RAB3GAP1: variants seen among roughly 807,000 people sequenced by gnomAD.
RAB3GAP1 encodes the protein rab3 GTPase-activating protein catalytic subunit.
A neutral mutation model predicts 130.7 loss-of-function variants in RAB3GAP1; 86 were observed. The ratio of observed to expected loss-of-function variants is 0.66; its 90% CI spans 0.55 to 0.79. The LOEUF (loss-of-function observed/expected upper bound fraction) is 0.79, where lower values mean the gene tolerates loss of function less well. Among genes scored for constraint, RAB3GAP1 ranks in the 30% least tolerant of loss-of-function variants. The pLI is 0.00. For missense variants in RAB3GAP1, 1,029 were observed against 1,169.4 expected, an observed-to-expected ratio of 0.88 and a Z score of 1.75; for synonymous variants, 367 against 401.7, an observed-to-expected ratio of 0.91 and a Z score of 1.03.
intron 5 of RAB3GAP1, among the ~76,000 whole-genome samples, chr2:135,106,135 AGGTGGGG>A (rs1002983116): frequency 3.3e-5 from 5 of 149,960 alleles, no homozygotes; most frequent in African/African-American, 1.2e-4. Context: ...CCCGTCCAGG[AGGTGGGG>A]GGTGCCTCCG....
intron 10 of RAB3GAP1, 45 bp downstream of exon 10, chr2:135,126,294 A>G (rs772407250): frequency 2.1e-6 from 3 of 1,407,348 alleles, no homozygotes; most frequent in South Asian, 2.5e-5. Flanking sequence ...AAAAAACTTC[A>G]GTAGAATAAC....
At chr2:135,165,691 A>G (rs1692622423) in intron 23 of RAB3GAP1, among the ~76,000 whole-genome samples, 1 of 152,220 alleles carries the variant, frequency 6.6e-6, no homozygotes, top group Non-Finnish European at 1.5e-5. Context: ...TTAGACTTCT[A>G]GCAAACAATA....
At chr2:135,117,654 G>GCTT (rs1169996527) in intron 7 of RAB3GAP1, among the ~76,000 whole-genome samples, 31 of 22,310 alleles carry the variant, frequency 1.4e-3, no homozygotes, top group South Asian at 0.012. Context: ...TTCTGCTTCT[G>GCTT]CTTCTTCTGC....
rs1574100501 is a variant in RAB3GAP1, at chr2:135,091,102, TAAAG to T, written c.258_261del (p.Gly88ArgfsTer5). On this transcript the variant is annotated frameshift_variant, in exon 4 of 24. Transcript: ENST00000264158. LOFTEE classifies it high-confidence loss of function. The stretch of plus-strand genomic sequence containing the variant: ...ATTATCTTGTACAAGAGTCCACTGA[TAAAG>T]AAGGAAAGGATGAGTTATTAGAGGG... 6 of 1,598,606 alleles carry T rather than the reference TAAAG, an allele frequency of 3.8e-6. No homozygotes were observed. Among genetic ancestry groups the T allele is most frequent in the East Asian group, 2.2e-5 (1 of 44,630 alleles).
At chr2:135,076,782 A>C (rs1689645306) in intron 3 of RAB3GAP1, among the ~76,000 whole-genome samples, 1 of 152,222 alleles carries the variant, frequency 6.6e-6, no homozygotes. Flanking sequence ...ATCATCCCAA[A>C]GTCTACCCGT....
rs148974836 is a variant in RAB3GAP1, at chr2:135,136,001, T to C, written c.1923+69T>C. The C allele has an allele frequency of 1.1e-3, 1,737 of 1,576,750 alleles. 34 individuals are homozygous for C. The East Asian group carries it at 0.034, about 31-fold the overall frequency. On this transcript the variant is annotated intron_variant, in intron 17 of 23. Transcript: ENST00000264158. ...TATATAACTTCATCCTAGTAGAAGATAGTGCTTTGAGTAAGGAAAATTATC... is the reference window on the plus strand; with the variant it reads ...TATATAACTTCATCCTAGTAGAAGACAGTGCTTTGAGTAAGGAAAATTATC...
chr2:135,153,152 A>G (rs370186357), intron 18 of RAB3GAP1, among the ~76,000 whole-genome samples: 1 of 152,120 alleles, frequency 6.6e-6, no homozygotes, highest in East Asian at 1.9e-4. Flanking sequence ...TTATTGAGGA[A>G]AAGAAGAACA....
chr2:135,140,376 T>G (rs931185003), intron 17 of RAB3GAP1, among the ~76,000 whole-genome samples: 1 of 152,212 alleles, frequency 6.6e-6, no homozygotes, highest in Admixed American at 6.5e-5. Context: ...TATAGTAGTA[T>G]AGTTATTCTA....
At chr2:135,090,948 G>A in intron 3 of RAB3GAP1, 50 bp from the exon 4 acceptor site, 1 of 1,512,352 alleles carries the variant, frequency 6.6e-7, no homozygotes, top group Middle Eastern at 1.7e-4. Flanking sequence ...TAAATATAAT[G>A]ATAGCTATTG....
intron 3 of RAB3GAP1, 181 bp downstream of exon 3, chr2:135,058,267 A>T: frequency 1.7e-6 from 1 of 595,142 alleles, no homozygotes; most frequent in Non-Finnish European, 3.0e-6. Flanking sequence ...TATATGTAAG[A>T]CATTTGTGAA....
At position 135,168,815 on chromosome 2, in the gene RAB3GAP1, A is replaced by G. The variant is rs201884884; in HGVS notation, c.*34A>G. Reference sequence around the variant, plus strand: ...GCATTACTCGTTGGTGGCTTCAGAGACAGTGCTGCCTCCTCCTGAGGGAGG... The same window carrying G: ...GCATTACTCGTTGGTGGCTTCAGAGGCAGTGCTGCCTCCTCCTGAGGGAGG... On this transcript the variant is annotated 3_prime_UTR_variant, in exon 24 of 24. Coordinates refer to ENST00000264158, the MANE Select transcript of RAB3GAP1 (RefSeq NM_012233.3). 2.5e-6 allele frequency: 4 copies of G among 1,574,668 alleles called. No homozygotes were observed. Among genetic ancestry groups the G allele is most frequent in the Non-Finnish European group, 3.5e-6 (4 of 1,144,528 alleles).
chr2:135,070,576 C>T (rs190437770), intron 3 of RAB3GAP1, among the ~76,000 whole-genome samples: 87 of 152,164 alleles, frequency 5.7e-4, no homozygotes, highest in Middle Eastern at 6.8e-3. Context: ...GGCGCAATCT[C>T]GGCTCACTGC....
intron 17 of RAB3GAP1, chr2:135,137,347 C>T (rs1691705167): frequency 5.1e-6 from 1 of 194,260 alleles, no homozygotes; most frequent in Non-Finnish European, 1.1e-5. Context: ...AGATCCACCA[C>T]CTACAGTAAA....
intron 3 of RAB3GAP1, among the ~76,000 whole-genome samples, chr2:135,090,157 T>G (rs1690103688): frequency 6.6e-6 from 1 of 152,206 alleles, no homozygotes; most frequent in South Asian, 2.1e-4. Context: ...TGATATTTGA[T>G]GTACTTACGT....
At chr2:135,074,908 C>A (rs537856137) in intron 3 of RAB3GAP1, among the ~76,000 whole-genome samples, 1 of 152,060 alleles carries the variant, frequency 6.6e-6, no homozygotes, top group Admixed American at 6.5e-5. Context: ...CATGTATGGA[C>A]GAGATATTTG....
chr2:135,116,808 T>C (rs981905373), intron 7 of RAB3GAP1, among the ~76,000 whole-genome samples: 1 of 152,172 alleles, frequency 6.6e-6, no homozygotes, highest in Non-Finnish European at 1.5e-5. Context: ...ATGAACTCCG[T>C]GAAAGTCATA....
In RAB3GAP1 at chr2:135,052,321, G is replaced by A; in HGVS notation, c.14G>A (p.Ser5Asn). 1.9e-6 allele frequency: 3 copies of A among 1,614,008 alleles called. No individual in the cohort carries two copies. The highest frequency in any genetic ancestry group is 2.5e-6 in the Non-Finnish European group (3 of 1,180,038). MAAD[S>N]EPESEVFEIT... ...GCGCTCCTCAAGATGGCTGCCGACA[G>A]TGAGGTGATTTCTTTGCTCCCTACT... Residue 5 changes from serine (S) to asparagine (N), a missense_variant, in exon 1 of 24, where the codon AGT becomes AAT. This residue lies in a region of RAB3GAP1 where 510 missense variants were observed against 532.1 expected (regional missense o/e 0.96). Transcript: ENST00000264158.
chr2:135,063,127 T>G (rs1194692473), intron 3 of RAB3GAP1, among the ~76,000 whole-genome samples: 1 of 152,220 alleles, frequency 6.6e-6, no homozygotes, highest in African/African-American at 2.4e-5. Flanking sequence ...AAACTTAAGT[T>G]AACTGTAGGT....
intron 17 of RAB3GAP1, among the ~76,000 whole-genome samples, chr2:135,148,715 T>A (rs1692079920): frequency 6.7e-6 from 1 of 148,310 alleles, no homozygotes; most frequent in Admixed American, 6.7e-5. Flanking sequence ...TTTCGCCATG[T>A]TGGCCAGGCT....
Sources: gnomAD v4.1 joint callset for allele counts (sites outside exome capture counted in the v4.1 genomes callset) on GRCh38, gnomAD v4.1.1 for gene constraint, gnomAD v4.1.1 regional missense constraint, MANE v1.5 for transcripts, NCBI Gene and HGNC (gene_info 2026-07-23, HGNC 2026-07-21) for gene names.